The following TAFA1 variants were observed in gnomAD, a reference collection of about 807,000 sequenced individuals.
The protein encoded by TAFA1 is chemokine-like protein TAFA-1.
Under a neutral mutation model 18.5 loss-of-function variants are expected in TAFA1, and 4 were observed. The ratio of observed to expected loss-of-function variants is 0.22; its 90% CI spans 0.11 to 0.49. The LOEUF is 0.49. TAFA1 is among the 20% of genes least tolerant of loss of function. The probability of loss-of-function intolerance (pLI) is 0.98; values close to 1 mark genes in which losing one functional copy is unlikely to be tolerated. For synonymous variants in TAFA1, 56 were observed against 55.2 expected (o/e 1.01, Z -0.06); for missense variants, 147 against 169.0 (o/e 0.87, Z 0.72).
chr3:68,149,247 A>G (rs1277624593), intron 2 of TAFA1, among the ~76,000 whole-genome samples: 1 of 152,216 alleles, frequency 6.6e-6, no homozygotes, highest in African/African-American at 2.4e-5. Context: ...TATGAGGTCA[A>G]TTAATCTTAA....
chr3:68,263,016 C>G (rs1356201852), intron 2 of TAFA1, among the ~76,000 whole-genome samples: 3 of 152,028 alleles, frequency 2.0e-5, no homozygotes, highest in African/African-American at 7.2e-5. Flanking sequence ...GACAGTCACC[C>G]CTGATAGAAC....
At chr3:68,515,768 G>T (rs2072911560) in intron 3 of TAFA1, among the ~76,000 whole-genome samples, 1 of 152,150 alleles carries the variant, frequency 6.6e-6, no homozygotes, top group Admixed American at 6.5e-5. Flanking sequence ...GGATAATAAT[G>T]ATCTTCTTCC....
intron 3 of TAFA1, among the ~76,000 whole-genome samples, chr3:68,481,540 G>A (rs193117929): frequency 4.6e-5 from 7 of 152,186 alleles, no homozygotes; most frequent in East Asian, 1.9e-4. Context: ...GTTTCATTCC[G>A]AGCTAAATTC....
intron 2 of TAFA1, among the ~76,000 whole-genome samples, chr3:68,344,334 A>G (rs2069132054): frequency 6.6e-6 from 1 of 152,210 alleles, no homozygotes; most frequent in Non-Finnish European, 1.5e-5. Context: ...CTACTGGGAC[A>G]CTAAGGTACC....
chr3:68,124,325 C>A (rs1171887518), intron 2 of TAFA1, among the ~76,000 whole-genome samples: 1 of 152,128 alleles, frequency 6.6e-6, no homozygotes, highest in Non-Finnish European at 1.5e-5. Flanking sequence ...TCTGTACTTT[C>A]TGAGAAAACT....
chr3:68,361,439 C>T (rs944457273), intron 2 of TAFA1, among the ~76,000 whole-genome samples: 2 of 151,830 alleles, frequency 1.3e-5, no homozygotes, highest in African/African-American at 4.8e-5. Context: ...AGTAGGGTGA[C>T]TATAGTTAGC....
chr3:68,421,079 T>C (rs2070947377), intron 3 of TAFA1, among the ~76,000 whole-genome samples: 2 of 152,306 alleles, frequency 1.3e-5, no homozygotes, highest in Admixed American at 6.5e-5. Flanking sequence ...CCTTTAGGAT[T>C]TGGATACAAA....
rs141082206 is a variant in TAFA1 at position 68,324,048 on chromosome 3, C to G, written c.119-93232C>G. 2.3e-3 allele frequency among the ~76,000 whole-genome samples: 346 copies of G among 152,288 alleles called. 2 individuals are homozygous for G. Among genetic ancestry groups the G allele is most frequent in the South Asian group, 6.6e-3 (32 of 4,822 alleles). Reference sequence around the variant, plus strand: ...TTTTCTTAAAGAGCCTCCACCATCTCCAAATTGTAGTATATGCTTTCGATT... The same window carrying G: ...TTTTCTTAAAGAGCCTCCACCATCTGCAAATTGTAGTATATGCTTTCGATT... On this transcript the variant is annotated intron_variant, in intron 2 of 4. Transcript: ENST00000478136.
chr3:68,490,482 A>G (rs1269741584), intron 3 of TAFA1, among the ~76,000 whole-genome samples: 1 of 152,178 alleles, frequency 6.6e-6, no homozygotes, highest in Non-Finnish European at 1.5e-5. Flanking sequence ...CCCATTTTCC[A>G]GCTGCATATC....
intron 2 of TAFA1, among the ~76,000 whole-genome samples, chr3:68,082,365 T>G (rs1008396065): frequency 3.3e-5 from 5 of 152,202 alleles, no homozygotes; most frequent in Non-Finnish European, 7.3e-5. Flanking sequence ...AATTAATTTA[T>G]TCCTCATTTT....
intron 2 of TAFA1, among the ~76,000 whole-genome samples, chr3:68,281,798 T>C (rs2067901887): frequency 6.6e-6 from 1 of 151,942 alleles, no homozygotes; most frequent in Non-Finnish European, 1.5e-5. Context: ...CTTAAAAGAG[T>C]GGATGCATTT....
At chr3:68,207,332 G>A (rs751240574) in intron 2 of TAFA1, among the ~76,000 whole-genome samples, 2 of 151,862 alleles carry the variant, frequency 1.3e-5, no homozygotes, top group African/African-American at 4.8e-5. Context: ...TCAAAATATC[G>A]TAGTTAATTG....
At chr3:68,499,788 T>C (rs940057899) in intron 3 of TAFA1, among the ~76,000 whole-genome samples, 39 of 151,700 alleles carry the variant, frequency 2.6e-4, no homozygotes, top group Non-Finnish European at 2.2e-4. Flanking sequence ...GTTTTGAAAA[T>C]GTATGTCTGT....
intron 2 of TAFA1, among the ~76,000 whole-genome samples, chr3:68,272,214 T>A (rs1167209592): frequency 1.3e-5 from 2 of 152,284 alleles, no homozygotes; most frequent in East Asian, 3.9e-4. Flanking sequence ...TTAGCTTCTG[T>A]GTGCTGCTGG....
intron 2 of TAFA1, among the ~76,000 whole-genome samples, chr3:68,130,686 G>A (rs7624036): frequency 0.12 from 18,214 of 152,012 alleles, 1,139 homozygotes; most frequent in Middle Eastern, 0.17. Context: ...TTCCCCTCCT[G>A]CTACATTCCA....
chr3:68,012,060 T>G (rs1437200760), intron 2 of TAFA1, among the ~76,000 whole-genome samples: 1 of 152,218 alleles, frequency 6.6e-6, no homozygotes, highest in East Asian at 1.9e-4. Flanking sequence ...CCTTTAATTG[T>G]TAATTTCTTA....
chr3:68,334,296 C>T (rs905788678), intron 2 of TAFA1, among the ~76,000 whole-genome samples: 9 of 152,132 alleles, frequency 5.9e-5, no homozygotes, highest in African/African-American at 1.9e-4. Context: ...AAGATAGGAA[C>T]AGAGAACATT....
intron 3 of TAFA1, among the ~76,000 whole-genome samples, chr3:68,437,039 A>T (rs910412249): frequency 6.6e-6 from 1 of 152,214 alleles, no homozygotes; most frequent in African/African-American, 2.4e-5. Context: ...CATAAAATGT[A>T]ATATAGACAT....
chr3:68,341,050 T>C (rs1001775530), intron 2 of TAFA1, among the ~76,000 whole-genome samples: 4 of 152,106 alleles, frequency 2.6e-5, no homozygotes, highest in Admixed American at 6.5e-5. Context: ...AATAAGAGAA[T>C]AACCACCCAA....
Sources: gnomAD v4.1 joint callset for allele counts (sites outside exome capture counted in the v4.1 genomes callset) on GRCh38, gnomAD v4.1.1 for gene constraint, MANE v1.5 for transcripts, NCBI Gene and HGNC (gene_info 2026-07-23, HGNC 2026-07-21) for gene names.